Variants in ERBB2 observed in about 807,000 individuals in gnomAD.
ERBB2 encodes receptor tyrosine-protein kinase erbB-2.
A neutral mutation model predicts 149.0 loss-of-function variants in ERBB2; 61 were observed. That is an observed-to-expected ratio of 0.41 (90% CI 0.33 to 0.51). ERBB2 has a LOEUF of 0.51. ERBB2 is among the 20% of genes least tolerant of loss of function. The pLI, the probability that ERBB2 is intolerant of heterozygous loss-of-function variation, is 0.25. For synonymous variants in ERBB2, 633 were observed against 678.8 expected (o/e 0.93, Z 1.05); for missense variants, 1,205 against 1,655.1 (o/e 0.73, Z 4.72).
rs1294090185 is a variant in ERBB2 at position 39,723,714 on chromosome 17, AG to A, written c.2208+58del. 4.5e-6 allele frequency: 7 copies of A among 1,570,804 alleles called. No individual in the cohort carries two copies. Among genetic ancestry groups the A allele is most frequent in the Non-Finnish European group, 5.2e-6 (6 of 1,157,528 alleles). On this transcript the variant is annotated intron_variant, in intron 18 of 26. Coordinates refer to ENST00000269571, the MANE Select transcript of ERBB2 (RefSeq NM_004448.4). This position sits in a 1 kb window ranked among gnomAD's most constrained non-coding sequence, Gnocchi z 6.2. ...CCCAGAGGATGGGGGCGGTGCCTGG[AG>A]GGGTGTGGTCGGCAGTTCTGATGGG...
chr17:39,706,938 C>G (rs2145399808), intron 1 of ERBB2, 52 bp from the exon 2 acceptor site: 1 of 1,466,270 alleles, frequency 6.8e-7, no homozygotes, highest in Non-Finnish European at 9.1e-7. Context: ...GTGGCCAGGT[C>G]TGAGAAGGTC....
At chr17:39,691,934 C>CATATACATATAT (rs564472045), upstream of ERBB2, among the ~76,000 whole-genome samples, 58 of 120,876 alleles carry the variant, frequency 4.8e-4, no homozygotes, top group Admixed American at 1.3e-3. Flanking sequence ...TATACATATA[C>CATATACATATAT]ATATATATAT....
At position 39,727,236 on chromosome 17, in the gene ERBB2, G is replaced by A. The variant is rs2143217821; in HGVS notation, c.3160-59G>A. ...CTCCTGTGACCCTGTCACCTTCCAT[G>A]GAGTCCCCATCCCAGATCCGTGAGT... On this transcript the variant is annotated intron_variant, in intron 25 of 26. Coordinates refer to ENST00000269571, the MANE Select transcript of ERBB2 (RefSeq NM_004448.4). This position sits in a 1 kb window ranked among gnomAD's most constrained non-coding sequence, Gnocchi z 4.3. 2 of 1,588,120 alleles carry A rather than the reference G, an allele frequency of 1.3e-6. No homozygotes were observed. The highest frequency in any genetic ancestry group is 1.7e-6 in the Non-Finnish European group (2 of 1,168,188).
intron 1 of ERBB2, among the ~76,000 whole-genome samples, chr17:39,706,066 C>T (rs981190661): frequency 6.6e-6 from 1 of 152,226 alleles, no homozygotes; most frequent in East Asian, 1.9e-4. Context: ...GCTTTACCTC[C>T]TCTAGTATTC....
chr17:39,700,453 G>A, intron 1 of ERBB2, 142 bp downstream of exon 1: 1 of 669,162 alleles, frequency 1.5e-6, no homozygotes, highest in Non-Finnish European at 2.1e-6. Context: ...AGACGCTCAG[G>A]GCAGCCGGGC....
rs371231560 is a variant in ERBB2 at position 39,723,305 on chromosome 17, G to T, written c.1947-14G>T. The T allele has an allele frequency of 3.0e-5, 49 of 1,613,246 alleles. No individual in the cohort carries two copies. The highest frequency in any genetic ancestry group is 1.1e-4 in the East Asian group (5 of 44,840). ...AACTAGCCCTCAATCCCTGACCCTG[G>T]CTTCCGCCCCCAGCCCTCTGACGTC... On this transcript the variant is annotated splice_polypyrimidine_tract_variant and intron_variant, in intron 16 of 26. Coordinates refer to ENST00000269571, the MANE Select transcript of ERBB2 (RefSeq NM_004448.4). The surrounding 1 kb of genome is among the most constrained non-coding windows in gnomAD (Gnocchi z 6.2).
At chr17:39,718,484 T>C (rs893467133) in intron 15 of ERBB2, among the ~76,000 whole-genome samples, 1 of 152,160 alleles carries the variant, frequency 6.6e-6, no homozygotes, top group Non-Finnish European at 1.5e-5. Flanking sequence ...TCAAATAAGA[T>C]TGCTGTTTGT....
chr17:39,721,179 G>T (rs974198093), intron 16 of ERBB2, among the ~76,000 whole-genome samples: 9 of 151,906 alleles, frequency 5.9e-5, no homozygotes, highest in Non-Finnish European at 8.8e-5. Flanking sequence ...CAAACTCGTG[G>T]GCTCAAGTGA....
upstream of ERBB2, among the ~76,000 whole-genome samples, chr17:39,694,262 T>TATGTGTATATATATATATATACAC (rs2057798954): frequency 3.5e-5 from 1 of 28,906 alleles, no homozygotes; most frequent in African/African-American, 1.1e-4. Flanking sequence ...TATATATATA[T>TATGTGTATATATATATATATACAC]ATATATGTGT....
intron 19 of ERBB2, 50 bp from the exon 20 acceptor site, chr17:39,724,670 GTGGTGT>G (rs1366079375): frequency 8.0e-6 from 12 of 1,507,828 alleles, no homozygotes; most frequent in Non-Finnish European, 8.2e-6. Flanking sequence ...GGGAGGCTGT[GTGGTGT>G]TTGGGGGTGT....
Position 39,723,178 on chromosome 17 carries a change from G to A in ERBB2, c.1947-141G>A. 1.8e-5 allele frequency: 15 copies of A among 831,508 alleles called. No individual in the cohort carries two copies. The highest frequency in any genetic ancestry group is 1.5e-4 in the South Asian group (9 of 58,316). The allele number at this position is 831,508 out of a possible 1,614,324, so 51.5% of individuals were successfully genotyped here. On this transcript the variant is annotated intron_variant, in intron 16 of 26. Transcript: ENST00000269571. This position sits in a 1 kb window ranked among gnomAD's most constrained non-coding sequence, Gnocchi z 6.2. ...GCGGGGAGCCAAGGCAGGTTTTAGAGTAGGAGAGGGTCCAAGCCTGTGGGT... is the reference window on the plus strand; with the variant it reads ...GCGGGGAGCCAAGGCAGGTTTTAGAATAGGAGAGGGTCCAAGCCTGTGGGT...
intron 19 of ERBB2, among the ~76,000 whole-genome samples, chr17:39,724,211 T>C (rs1429732883): frequency 4.0e-5 from 6 of 150,060 alleles, no homozygotes; most frequent in Admixed American, 4.0e-4. Flanking sequence ...CTCCACCTCC[T>C]GGACTCAAGC....
rs1290677681 is a variant in ERBB2 at position 39,712,368 on chromosome 17, T to C, written c.1068T>C (p.Val356=). The change falls in exon 9 of 27, where the codon GTT becomes GTC. Residue 356 remains valine, a synonymous_variant. Transcript: ENST00000269571. The part of the protein sequence containing the change: ...GMEHLREVRA[V]TSANIQEFAG... ...AGCACTTGCGAGAGGTGAGGGCAGT[T>C]ACCAGTGCCAATATCCAGGAGTTTG... 3 of 1,614,078 alleles carry C rather than the reference T, an allele frequency of 1.9e-6. No individual in the cohort carries two copies. Among genetic ancestry groups the C allele is most frequent in the East Asian group, 4.5e-5 (2 of 44,878 alleles).
chr17:39,722,021 C>T (rs990095515), intron 16 of ERBB2, among the ~76,000 whole-genome samples: 4 of 152,064 alleles, frequency 2.6e-5, no homozygotes, highest in Non-Finnish European at 4.4e-5. Flanking sequence ...CAGGTTCAAA[C>T]GATTCTCCTG....
At chr17:39,716,862 C>A in intron 14 of ERBB2, 1 of 531,148 alleles carries the variant, frequency 1.9e-6, no homozygotes, top group Non-Finnish European at 3.4e-6. Context: ...GGTGGTGAGC[C>A]CTGTGGGCTC....
At chr17:39,719,199 T>G (rs2059316902) in intron 15 of ERBB2, among the ~76,000 whole-genome samples, 1 of 151,480 alleles carries the variant, frequency 6.6e-6, no homozygotes, top group Admixed American at 6.6e-5. Flanking sequence ...CAGCGGAGGT[T>G]GCAGTGAGAC....
At position 39,727,398 on chromosome 17, in the gene ERBB2, G is replaced by T. The variant is rs749154778; in HGVS notation, c.3263G>T (p.Gly1088Val). 6.2e-7 allele frequency: 1 copy of T among 1,610,604 alleles called. No homozygotes were observed. Among genetic ancestry groups the T allele is most frequent in the Non-Finnish European group, 8.5e-7 (1 of 1,178,802 alleles). Residue 1088 changes from glycine to valine, a missense_variant, in exon 26 of 27, where the codon GGT becomes GTT. Physicochemically the swap from Gly to Val is moderately radical, Grantham distance 109. Transcript: ENST00000269571. This position sits in a 1 kb window ranked among gnomAD's most constrained non-coding sequence, Gnocchi z 4.3. Reference sequence around the variant, plus strand: ...GGGGCTGGCTCCGATGTATTTGATGGTGACCTGGGAATGGGGGCAGCCAAG... The same window carrying T: ...GGGGCTGGCTCCGATGTATTTGATGTTGACCTGGGAATGGGGGCAGCCAAG... Reference protein sequence around the residue: ...SEGAGSDVFDGDLGMGAAKGL... With the variant: ...SEGAGSDVFDVDLGMGAAKGL...
At chr17:39,708,150 G>A in intron 2 of ERBB2, 171 bp from the exon 3 acceptor site, 2 of 566,192 alleles carry the variant, frequency 3.5e-6, no homozygotes, top group Non-Finnish European at 6.3e-6. Flanking sequence ...ATCTGGTGAG[G>A]CAAGGTAGGG....
chr17:39,724,272 A>ATTCTTTTTTTTTTTTTTTTTT (rs2059615489), intron 19 of ERBB2, among the ~76,000 whole-genome samples: 1 of 77,016 alleles, frequency 1.3e-5, no homozygotes, highest in Non-Finnish European at 2.7e-5. Context: ...GCGCCCGCTA[A>ATTCTTTTTTTTTTTTTTTTTT]TTTTTTTTTT....
Sources: gnomAD v4.1 joint callset for allele counts (sites outside exome capture counted in the v4.1 genomes callset) on GRCh38, gnomAD v4.1.1 for gene constraint, Gnocchi (gnomAD v3.1) non-coding constraint, MANE v1.5 for transcripts, NCBI Gene and HGNC (gene_info 2026-07-23, HGNC 2026-07-21) for gene names.